SLC25A21: variants seen among roughly 807,000 people sequenced by gnomAD.
SLC25A21 encodes the protein solute carrier family 25 member 21.
In SLC25A21, 47 loss-of-function variants were observed where a neutral mutation model predicts 43.8. That is an observed-to-expected ratio of 1.07 (90% CI 0.85 to 1.37). The LOEUF (loss-of-function observed/expected upper bound fraction) is 1.37. Among genes scored for constraint, SLC25A21 ranks in the 40% most tolerant of loss-of-function variants. SLC25A21 has a pLI of 0.00. For missense variants in SLC25A21, 352 were observed against 350.2 expected (o/e 1.00, Z -0.04); for synonymous variants, 131 against 121.3 (o/e 1.08, Z -0.52).
chr14:36,697,071 A>G (rs1410024794), intron 7 of SLC25A21, among the ~76,000 whole-genome samples: 1 of 152,104 alleles, frequency 6.6e-6, no homozygotes, highest in Non-Finnish European at 1.5e-5. Flanking sequence ...CCCTGTACAC[A>G]CCGCTTTAAA....
chr14:37,159,000 T>C (rs1177250689), intron 1 of SLC25A21, among the ~76,000 whole-genome samples: 2 of 151,630 alleles, frequency 1.3e-5, no homozygotes, highest in Non-Finnish European at 2.9e-5. Context: ...ATAAAACATA[T>C]AAAATACCTG....
At chr14:36,994,025 G>C (rs1328509639) in intron 1 of SLC25A21, among the ~76,000 whole-genome samples, 1 of 152,114 alleles carries the variant, frequency 6.6e-6, no homozygotes, top group Non-Finnish European at 1.5e-5. Flanking sequence ...TGAGCTATAT[G>C]CAATATTAGT....
intron 7 of SLC25A21, among the ~76,000 whole-genome samples, chr14:36,693,451 T>C (rs191853183): frequency 6.6e-6 from 1 of 152,194 alleles, no homozygotes; most frequent in Admixed American, 6.5e-5. Context: ...AAAATTATCA[T>C]CATGGGCTTT....
intron 1 of SLC25A21, among the ~76,000 whole-genome samples, chr14:37,047,032 A>C (rs1234483638): frequency 6.6e-6 from 1 of 152,254 alleles, no homozygotes; most frequent in East Asian, 1.9e-4. Context: ...ACTTAGTTGC[A>C]CTGATCACAA....
chr14:36,826,345 A>C (rs1360695052), intron 2 of SLC25A21, among the ~76,000 whole-genome samples: 1 of 152,048 alleles, frequency 6.6e-6, no homozygotes, highest in Middle Eastern at 3.2e-3. Context: ...GAGTCCCTAG[A>C]CTAATTGCCT....
intron 3 of SLC25A21, among the ~76,000 whole-genome samples, chr14:36,739,405 C>G (rs956591854): frequency 6.6e-6 from 1 of 152,172 alleles, no homozygotes; most frequent in African/African-American, 2.4e-5. Flanking sequence ...AGGCTAGGCA[C>G]AGTAGCTCAC....
chr14:36,892,759 T>C (rs191630568), intron 1 of SLC25A21, among the ~76,000 whole-genome samples: 112 of 152,174 alleles, frequency 7.4e-4, no homozygotes, highest in African/African-American at 2.6e-3. Context: ...CCATGTGTTC[T>C]CAATGTTCAA....
At chr14:37,077,706 T>G (rs1325212694) in intron 1 of SLC25A21, among the ~76,000 whole-genome samples, 1 of 152,242 alleles carries the variant, frequency 6.6e-6, no homozygotes, top group Non-Finnish European at 1.5e-5. Context: ...TTTACATATG[T>G]GTGTATACAT....
At chr14:37,050,607 G>A (rs750413081) in intron 1 of SLC25A21, among the ~76,000 whole-genome samples, 5 of 152,158 alleles carry the variant, frequency 3.3e-5, no homozygotes, top group African/African-American at 4.8e-5. Context: ...CATGAGCCTT[G>A]GAAGTGCAAG....
chr14:37,081,710 T>C (rs1962392359), intron 1 of SLC25A21, among the ~76,000 whole-genome samples: 2 of 152,222 alleles, frequency 1.3e-5, no homozygotes, highest in East Asian at 1.9e-4. Flanking sequence ...TTCTCTTTTA[T>C]TGTGCACTTC....
chr14:36,788,457 C>T (rs1163964450), intron 3 of SLC25A21, among the ~76,000 whole-genome samples: 4 of 150,656 alleles, frequency 2.7e-5, no homozygotes, highest in Non-Finnish European at 1.5e-5. Flanking sequence ...GCTGAGCCAC[C>T]GAGGCAGGCG....
intron 1 of SLC25A21, among the ~76,000 whole-genome samples, chr14:37,069,963 C>T (rs544127661): frequency 9.9e-5 from 15 of 152,222 alleles, no homozygotes; most frequent in African/African-American, 3.6e-4. Context: ...ACTGTTCACC[C>T]CACTGATAAC....
chr14:36,864,969 A>G (rs2138538267), intron 2 of SLC25A21, among the ~76,000 whole-genome samples: 1 of 150,518 alleles, frequency 6.6e-6, no homozygotes, highest in East Asian at 2.0e-4. Context: ...TCTATACCCC[A>G]TCCTCACCTT....
chr14:36,756,018 CTTGA>C (rs1885914849), intron 3 of SLC25A21, among the ~76,000 whole-genome samples: 1 of 152,190 alleles, frequency 6.6e-6, no homozygotes, highest in Non-Finnish European at 1.5e-5. Flanking sequence ...CAGAATTTGG[CTTGA>C]TTTCTACACT....
At chr14:36,991,146 T>G (rs968600768) in intron 1 of SLC25A21, among the ~76,000 whole-genome samples, 1 of 152,174 alleles carries the variant, frequency 6.6e-6, no homozygotes, top group Non-Finnish European at 1.5e-5. Context: ...CAAAAGAACA[T>G]CACACACCTG....
intron 3 of SLC25A21, among the ~76,000 whole-genome samples, chr14:36,791,851 G>T (rs1338572117): frequency 6.6e-6 from 1 of 152,104 alleles, no homozygotes; most frequent in Non-Finnish European, 1.5e-5. Context: ...TACCTTTGGT[G>T]GGAGTGGGGC....
intron 1 of SLC25A21, among the ~76,000 whole-genome samples, chr14:37,162,402 G>T (rs1202911074): frequency 2.0e-5 from 3 of 152,132 alleles, no homozygotes; most frequent in Non-Finnish European, 2.9e-5. Context: ...CTAACAAAGG[G>T]CTAATATCCA....
chr14:36,761,244 C>T (rs141366148), intron 3 of SLC25A21, among the ~76,000 whole-genome samples: 3,483 of 152,296 alleles, frequency 0.023, 60 homozygotes, highest in Non-Finnish European at 0.035. Flanking sequence ...GGGTGCGACT[C>T]TACTACTCTC....
intron 1 of SLC25A21, among the ~76,000 whole-genome samples, chr14:36,920,541 G>C (rs548452187): frequency 6.6e-6 from 1 of 152,138 alleles, no homozygotes; most frequent in East Asian, 1.9e-4. Context: ...CCATTGCTAA[G>C]CAGAGACTTC....
Sources: allele counts gnomAD v4.1 joint callset (sites outside exome capture counted in the v4.1 genomes callset), GRCh38; gene constraint gnomAD v4.1.1; transcripts MANE v1.5; gene names NCBI Gene and HGNC (gene_info 2026-07-23, HGNC 2026-07-21).